Variants in HLF observed in about 807,000 individuals in gnomAD.
HLF encodes the protein hepatic leukemia factor.
Under a neutral mutation model 22.6 loss-of-function variants are expected in HLF, and 3 were observed. The ratio of observed to expected loss-of-function variants is 0.13; its 90% CI spans 0.06 to 0.34. The LOEUF (loss-of-function observed/expected upper bound fraction) is 0.34. Among genes scored for constraint, HLF ranks in the 10% least tolerant of loss-of-function variants. The pLI, the probability that HLF is intolerant of heterozygous loss-of-function variation, is 1.00. For missense variants in HLF, 299 were observed against 389.2 expected, an observed-to-expected ratio of 0.77 and a Z score of 1.95; for synonymous variants, 151 against 151.8, an observed-to-expected ratio of 0.99 and a Z score of 0.04.
At chr17:55,292,614 G>A (rs991801924) in intron 2 of HLF, among the ~76,000 whole-genome samples, 8 of 152,096 alleles carry the variant, frequency 5.3e-5, no homozygotes, top group Admixed American at 1.3e-4. Context: ...GTCTAGAACC[G>A]GTCCTGCAAT....
intron 2 of HLF, among the ~76,000 whole-genome samples, chr17:55,297,738 CTTTTTTTTTTTTTT>C (rs34900287): frequency 6.4e-5 from 4 of 62,890 alleles, no homozygotes; most frequent in African/African-American, 2.8e-4. Context: ...AACAGCATTT[CTTTTTTTTTTTTTT>C]TTTTTTTTTT....
At chr17:55,279,703 A>G (rs1194695825) in intron 2 of HLF, among the ~76,000 whole-genome samples, 1 of 152,224 alleles carries the variant, frequency 6.6e-6, no homozygotes, top group Non-Finnish European at 1.5e-5. Context: ...TGTATATATA[A>G]ATTAATATCC....
At chr17:55,266,810 A>T (rs2080795950) in intron 1 of HLF, 1 of 985,022 alleles carries the variant, frequency 1.0e-6, no homozygotes, top group African/African-American at 1.7e-5. Flanking sequence ...AATTGGCAAG[A>T]TCCGGAATGC....
intron 2 of HLF, among the ~76,000 whole-genome samples, chr17:55,274,037 A>G (rs1003054920): frequency 2.0e-5 from 3 of 149,578 alleles, no homozygotes; most frequent in Non-Finnish European, 4.5e-5. Flanking sequence ...GAGTCTTTCC[A>G]GTTCAGCACT....
At chr17:55,290,248 G>A (rs771777099) in intron 2 of HLF, among the ~76,000 whole-genome samples, 7 of 152,116 alleles carry the variant, frequency 4.6e-5, no homozygotes, top group Admixed American at 6.5e-5. Context: ...GCCACTGCTG[G>A]GTGTACAGCT....
intron 2 of HLF, among the ~76,000 whole-genome samples, chr17:55,298,720 G>C (rs1320620630): frequency 1.3e-5 from 2 of 152,166 alleles, no homozygotes; most frequent in African/African-American, 2.4e-5. Context: ...CCAACATGGA[G>C]GTGGAAAGAA....
At chr17:55,272,931 G>A (rs1450726338) in intron 2 of HLF, 1 of 152,352 alleles carries the variant, frequency 6.6e-6, no homozygotes, top group Non-Finnish European at 1.5e-5. Flanking sequence ...TTCATCAGGG[G>A]CTAGGAGATC....
chr17:55,274,825 C>A (rs903860930), intron 2 of HLF, among the ~76,000 whole-genome samples: 3 of 152,226 alleles, frequency 2.0e-5, no homozygotes, highest in African/African-American at 7.2e-5. Context: ...ATAACAGCTG[C>A]TGCAAGCAGC....
chr17:55,297,000 G>A (rs978579308), intron 2 of HLF, among the ~76,000 whole-genome samples: 2 of 152,118 alleles, frequency 1.3e-5, no homozygotes, highest in African/African-American at 4.8e-5. Flanking sequence ...TTAGATAGAG[G>A]GTGTAAAATT....
At chr17:55,288,803 GT>G in intron 2 of HLF, 3 of 368,672 alleles carry the variant, frequency 8.1e-6, no homozygotes, top group Non-Finnish European at 1.1e-5. Flanking sequence ...AATGAAGAGT[GT>G]TTTCAGAGAA....
intron 2 of HLF, among the ~76,000 whole-genome samples, chr17:55,301,691 C>T (rs2081158475): frequency 6.6e-6 from 1 of 152,166 alleles, no homozygotes; most frequent in South Asian, 2.1e-4. Flanking sequence ...GGTCTCTCCC[C>T]AGTAGACAAA....
Position 55,291,553 on chromosome 17 carries a change from C to T in HLF, c.451+23467C>T, listed in dbSNP as rs189880349. 7.2e-5 allele frequency among the ~76,000 whole-genome samples: 11 copies of T among 152,290 alleles called. No individual in the cohort carries two copies. The East Asian group carries it at 1.7e-3, about 24-fold the overall frequency. On this transcript the variant is annotated intron_variant, in intron 2 of 3. Coordinates refer to ENST00000226067, the MANE Select transcript of HLF (RefSeq NM_002126.5). The stretch of plus-strand genomic sequence containing the variant: ...AAAAAATCCTTTCAAAATATTACTG[C>T]TTATTGGCAGTGTACCTGTTATCCA...
intron 2 of HLF, among the ~76,000 whole-genome samples, chr17:55,303,291 C>T (rs1249381269): frequency 6.6e-6 from 1 of 152,200 alleles, no homozygotes; most frequent in East Asian, 1.9e-4. Context: ...CTGGCTGCTA[C>T]TCTCTCAAGA....
intron 3 of HLF, among the ~76,000 whole-genome samples, chr17:55,317,292 A>G (rs952632796): frequency 2.0e-5 from 3 of 152,106 alleles, no homozygotes; most frequent in African/African-American, 4.8e-5. Context: ...AAAGCCTCGT[A>G]TCTTAAACTA....
rs756505005 is a variant in HLF, at chr17:55,323,011, G to A, written c.*2132G>A. The A allele has an allele frequency of 4.5e-6, 1 of 221,484 alleles. No individual in the cohort carries two copies. The highest frequency in any genetic ancestry group is 9.0e-6 in the Non-Finnish European group (1 of 110,770). 13.7% of individuals were successfully genotyped at this position (221,484 alleles called of 1,614,324 possible). A position where few individuals can be genotyped will look rare whatever the true frequency, so the allele number is the denominator to read the frequency against. On this transcript the variant is annotated 3_prime_UTR_variant, in exon 4 of 4. Coordinates refer to ENST00000226067, the MANE Select transcript of HLF (RefSeq NM_002126.5). ...GGGATTTTCTAGTTTCCTGCCTTCA[G>A]AGTATCTAATCCTTTAATGATCTGG...
chr17:55,309,473 CCAAGAGGGTAAAAGCACTATTT>C (rs1203908846), intron 2 of HLF, among the ~76,000 whole-genome samples: 1 of 151,980 alleles, frequency 6.6e-6, no homozygotes, highest in Non-Finnish European at 1.5e-5. Context: ...TCGAGGGATG[CCAAGAGGGTAAAAGCACTATTT>C]CAGATTATGG....
At chr17:55,277,259 G>C (rs796843416) in intron 2 of HLF, among the ~76,000 whole-genome samples, 1 of 144,352 alleles carries the variant, frequency 6.9e-6, no homozygotes, top group African/African-American at 2.6e-5. Flanking sequence ...GTGTGTGTGT[G>C]TGTGTGTGTG....
At chr17:55,289,866 T>A (rs891769653) in intron 2 of HLF, among the ~76,000 whole-genome samples, 36 of 152,244 alleles carry the variant, frequency 2.4e-4, no homozygotes, top group African/African-American at 7.9e-4. Flanking sequence ...TTCCTAGCAC[T>A]TTGCATTCAT....
intron 2 of HLF, among the ~76,000 whole-genome samples, chr17:55,295,404 GA>G (rs996047803): frequency 6.6e-6 from 1 of 152,094 alleles, no homozygotes; most frequent in African/African-American, 2.4e-5. Flanking sequence ...AATGAGAGGG[GA>G]AAAAAACAGA....
Sources: gnomAD v4.1 joint callset for allele counts (sites outside exome capture counted in the v4.1 genomes callset) on GRCh38, gnomAD v4.1.1 for gene constraint, MANE v1.5 for transcripts, NCBI Gene and HGNC (gene_info 2026-07-23, HGNC 2026-07-21) for gene names.